The following TIGD7 variants were observed in gnomAD, a reference collection of about 807,000 sequenced individuals.
TIGD7 encodes the protein tigger transposable element-derived protein 7.
Under a neutral mutation model 24.8 loss-of-function variants are expected in TIGD7, and 26 were observed. The observed-to-expected ratio is 1.05, with a 90% CI of 0.77 to 1.45. The LOEUF is 1.45. Ranked by LOEUF, TIGD7 falls within the 40% of genes most tolerant of loss-of-function variation. TIGD7 has a pLI of 0.00. For missense variants in TIGD7, 679 were observed against 641.6 expected (o/e 1.06, Z -0.63); for synonymous variants, 221 against 224.1 (o/e 0.99, Z 0.12).
chr16:3,302,985 G>A (rs1031043814), intron 1 of TIGD7, among the ~76,000 whole-genome samples: 5 of 151,936 alleles, frequency 3.3e-5, no homozygotes, highest in Admixed American at 1.3e-4. Flanking sequence ...TTACAGGCAC[G>A]CACCACCATG....
At chr16:3,304,128 G>A (rs1315349384) in intron 1 of TIGD7, among the ~76,000 whole-genome samples, 1 of 152,168 alleles carries the variant, frequency 6.6e-6, no homozygotes, top group Non-Finnish European at 1.5e-5. Context: ...AAGCCACCGC[G>A]CCCGGCCAGG....
chr16:3,304,863 A>G (rs1021097421), intron 1 of TIGD7: 3 of 152,238 alleles, frequency 2.0e-5, no homozygotes, highest in African/African-American at 7.2e-5. Context: ...GGATACCACA[A>G]CAGGAGAGCT....
chr16:3,304,561 A>C (rs1309895165), intron 1 of TIGD7, among the ~76,000 whole-genome samples: 2 of 152,244 alleles, frequency 1.3e-5, no homozygotes, highest in Non-Finnish European at 2.9e-5. Context: ...AGCTGACTTA[A>C]TAAATAGTCC....
intron 1 of TIGD7, 156 bp downstream of exon 1, chr16:3,305,056 G>A (rs1960090274): frequency 6.6e-6 from 1 of 152,352 alleles, no homozygotes; most frequent in African/African-American, 2.4e-5. Context: ...AAAACCCTCG[G>A]GGGGCCGCTG....
Position 3,299,050 on chromosome 16 carries a change from G to A in TIGD7, c.1565C>T (p.Ser522Phe), listed in dbSNP as rs1959850492. ...AGGTTTCAAAAAGCTACCAATTCTA[G>A]AATGGATTTTACTCTGGAACTGTTT... The part of the protein sequence containing the change: ...VKKQFQSKIH[S>F]RIGSFLKPRP... Residue 522 changes from serine (S) to phenylalanine (F), a missense_variant, in exon 2 of 2, where the codon TCT (serine) becomes TTT (phenylalanine). Coordinates refer to ENST00000396862, the MANE Select transcript of TIGD7 (RefSeq NM_033208.4). 1.4e-6 allele frequency: 2 copies of A among 1,393,120 alleles called. No individual in the cohort carries two copies. Among genetic ancestry groups the A allele is most frequent in the African/African-American group, 1.5e-5 (1 of 67,246 alleles). 86.3% of individuals were successfully genotyped at this position (1,393,120 alleles called of 1,614,324 possible).
chr16:3,299,326 A>T lies in TIGD7; in HGVS notation c.1289T>A (p.Leu430Ter). 6.3e-7 allele frequency: 1 copy of T among 1,596,472 alleles called. No individual in the cohort carries two copies. Among genetic ancestry groups the T allele is most frequent in the Non-Finnish European group, 8.5e-7 (1 of 1,172,968 alleles). Residue 430 changes from leucine to a stop codon, truncating the protein, a stop_gained, in exon 2 of 2, where the codon TTG becomes TAG. Transcript: ENST00000396862. LOFTEE classifies it low-confidence loss of function (END_TRUNC). ...YREILEKCGELETKLDDDRVW... is the reference protein window; with the variant it reads ...YREILEKCGE ...CCTATCATCATCCAACTTAGTTTCC[A>T]ACTCCCCACATTTTTCAAGAATTTC... is the stretch of plus-strand genomic sequence containing the variant.
chr16:3,299,534 G>A lies in TIGD7; in HGVS notation c.1081C>T (p.Gln361Ter). 2 of 1,525,780 alleles carry A rather than the reference G, an allele frequency of 1.3e-6. No homozygotes were observed. The highest frequency in any genetic ancestry group is 1.8e-6 in the Non-Finnish European group (2 of 1,140,964). 94.5% of individuals were successfully genotyped at this position (1,525,780 alleles called of 1,614,324 possible). A position where few individuals can be genotyped will look rare whatever the true frequency, so the allele number is the denominator to read the frequency against. Residue 361 changes from glutamine (Q) to a stop codon, truncating the protein, a stop_gained, in exon 2 of 2, where the codon CAA becomes TAA. Transcript: ENST00000396862. LOFTEE classifies it low-confidence loss of function (END_TRUNC). ...GAAACTCCTTTATCTCCTTTCTCTTGCTCATCATCACTTTCTTCAAATATT... is the reference window on the plus strand; with the variant it reads ...GAAACTCCTTTATCTCCTTTCTCTTACTCATCATCACTTTCTTCAAATATT... ...LVIFEESDDE[Q>*]EKGDKGVSKI...
Position 3,301,907 on chromosome 16 carries a change from G to A in TIGD7, c.-1293C>T, listed in dbSNP as rs959025791. 3.6e-5 allele frequency: 6 copies of A among 166,966 alleles called. No individual in the cohort carries two copies. The highest frequency in any genetic ancestry group is 1.4e-4 in the African/African-American group (6 of 41,396). 10.3% of individuals were successfully genotyped at this position (166,966 alleles called of 1,614,324 possible). On this transcript the variant is annotated 5_prime_UTR_variant, in exon 2 of 2. Coordinates refer to ENST00000396862, the MANE Select transcript of TIGD7 (RefSeq NM_033208.4). ...CTGGTGCTCCCCAAAGCCATTCCAG[G>A]TCCTTAGAAATGTCTTAGTCTAGAT...
chr16:3,300,022 A>G lies in TIGD7; in HGVS notation c.593T>C (p.Ile198Thr), dbSNP rs1428242163. 3.7e-6 allele frequency: 6 copies of G among 1,614,066 alleles called. No individual in the cohort carries two copies. The East Asian group carries it at 8.9e-5, about 24-fold the overall frequency. ...GTTTATTTTCTTCCCTGGTAGGCAG[A>G]TATCTTTCCTACTTGCCTGAGAATT... Reference protein sequence around the residue: ...PENSQASRKDICLPGKKINKE... With the variant: ...PENSQASRKDTCLPGKKINKE... The change falls in exon 2 of 2, where the codon ATC becomes ACC. Residue 198 changes from isoleucine (I) to threonine (T), a missense_variant. By Grantham distance (89) the Ile-to-Thr change is moderately conservative. Transcript: ENST00000396862.
At chr16:3,303,467 G>A (rs1243668147) in intron 1 of TIGD7, among the ~76,000 whole-genome samples, 2 of 152,192 alleles carry the variant, frequency 1.3e-5, no homozygotes, top group Non-Finnish European at 2.9e-5. Flanking sequence ...CAGGTGATGA[G>A]AATCTTAATG....
rs924874814 is a variant in TIGD7, at chr16:3,301,715, A to C, written c.-1101T>G. ...CATACTTTTTATATTTGAGATTTTG[A>C]TTTCTCTTCAGTGTTTATTTTACTT... On this transcript the variant is annotated 5_prime_UTR_variant, in exon 2 of 2. Coordinates refer to ENST00000396862, the MANE Select transcript of TIGD7 (RefSeq NM_033208.4). The C allele has an allele frequency of 6.0e-6, 1 of 166,202 alleles. No individual in the cohort carries two copies. Among genetic ancestry groups the C allele is most frequent in the African/African-American group, 2.4e-5 (1 of 40,932 alleles). The allele number at this position is 166,202 out of a possible 1,614,324, so 10.3% of individuals were successfully genotyped here.
In TIGD7 at chr16:3,299,652, A is replaced by T; in HGVS notation, c.963T>A (p.His321Gln). The T allele has an allele frequency of 6.4e-7, 1 of 1,560,342 alleles. No homozygotes were observed. Residue 321 changes from histidine (H) to glutamine (Q), a missense_variant, in exon 2 of 2, where the codon CAT becomes CAA. Physicochemically the swap from His to Gln is conservative, Grantham distance 24. Transcript: ENST00000396862. ...TTGGTTGAATCAAGGTTGAAGTGTT[A>T]TGGGGGAAGAACATACATTTTATTC... ...DGRIKCMFFP[H>Q]NTSTLIQPMN...
rs1959851035 is a variant in TIGD7, at chr16:3,299,067, G to T, written c.1548C>A (p.Phe516Leu). Residue 516 changes from phenylalanine (F) to leucine (L), a missense_variant, in exon 2 of 2, where the codon TTC becomes TTA. Coordinates refer to ENST00000396862, the MANE Select transcript of TIGD7 (RefSeq NM_033208.4). ...EMQQEIVKKQ[F>L]QSKIHSRIGS... ...CAATTCTAGAATGGATTTTACTCTG[G>T]AACTGTTTCTTGACTATTTCTTGTT... 7.1e-7 allele frequency: 1 copy of T among 1,409,668 alleles called. No individual in the cohort carries two copies. The highest frequency in any genetic ancestry group is 2.6e-5 in the East Asian group (1 of 37,990). The allele number at this position is 1,409,668 out of a possible 1,614,324, so 87.3% of individuals were successfully genotyped here. A position where few individuals can be genotyped will look rare whatever the true frequency, so the allele number is the denominator to read the frequency against.
intron 1 of TIGD7, among the ~76,000 whole-genome samples, chr16:3,302,833 C>CTTTT (rs58436553): frequency 6.6e-5 from 8 of 121,442 alleles, no homozygotes; most frequent in East Asian, 2.4e-4. Context: ...GTGCCGTCGT[C>CTTTT]TTTTTTTTTT....
At chr16:3,302,729 C>G (rs2150780965) in intron 1 of TIGD7, among the ~76,000 whole-genome samples, 3 of 152,136 alleles carry the variant, frequency 2.0e-5, no homozygotes, top group Middle Eastern at 3.4e-3. Context: ...GCACCATTAA[C>G]TCAAGCTAGT....
rs1959877548 is a variant in TIGD7, at chr16:3,299,714, G to A, written c.901C>T (p.His301Tyr). The A allele has an allele frequency of 1.3e-6, 2 of 1,536,284 alleles. No homozygotes were observed. Among genetic ancestry groups the A allele is most frequent in the African/African-American group, 1.4e-5 (1 of 72,194 alleles). Reference protein sequence around the residue: ...ALLLLDSCPAHPSSESLTSED... With the variant: ...ALLLLDSCPAYPSSESLTSED... ...CTGGTTAGGGATTCAGAGGAAGGAT[G>A]AGCCGGGCAACTGTCCAGAAGTAAC... Residue 301 changes from histidine to tyrosine, a missense_variant, in exon 2 of 2, where the codon CAT becomes TAT. Coordinates refer to ENST00000396862, the MANE Select transcript of TIGD7 (RefSeq NM_033208.4).
intron 1 of TIGD7, among the ~76,000 whole-genome samples, chr16:3,304,406 G>A (rs1470972668): frequency 6.6e-6 from 1 of 152,030 alleles, no homozygotes; most frequent in East Asian, 1.9e-4. Context: ...AAATCAACTT[G>A]GATTTTCTTG....
At position 3,300,752 on chromosome 16, in the gene TIGD7, A is replaced by T; in HGVS notation, c.-138T>A. ...GGCATGGGCATTGTATTGGAGGATA[A>T]TGGACTGAAGGGGCTAACCATGACT... is the stretch of plus-strand genomic sequence containing the variant. On this transcript the variant is annotated 5_prime_UTR_variant, in exon 2 of 2. Coordinates refer to ENST00000396862, the MANE Select transcript of TIGD7 (RefSeq NM_033208.4). The T allele has an allele frequency of 7.1e-7, 1 of 1,405,024 alleles. No homozygotes were observed. Among genetic ancestry groups the T allele is most frequent in the South Asian group, 1.6e-5 (1 of 64,166 alleles). The allele number at this position is 1,405,024 out of a possible 1,614,324, so 87.0% of individuals were successfully genotyped here.
chr16:3,300,193 C>G lies in TIGD7; in HGVS notation c.422G>C (p.Cys141Ser). 6.2e-7 allele frequency: 1 copy of G among 1,614,232 alleles called. No individual in the cohort carries two copies. The highest frequency in any genetic ancestry group is 8.5e-7 in the Non-Finnish European group (1 of 1,180,044). The change falls in exon 2 of 2, where the codon TGT becomes TCT. Residue 141 changes from cysteine to serine, a missense_variant. By Grantham distance (112) the Cys-to-Ser change is moderately radical. Transcript: ENST00000396862. Reference protein sequence around the residue: ...NRHAIGNRKGCGEQVLSSVSE... With the variant: ...NRHAIGNRKGSGEQVLSSVSE... ...AACTGAACTTAGGACTTGTTCCCCA[C>G]ATCCTTTTCGGTTCCCAATTGCATG...
Sources: gnomAD v4.1 joint callset for allele counts (sites outside exome capture counted in the v4.1 genomes callset) on GRCh38, gnomAD v4.1.1 for gene constraint, MANE v1.5 for transcripts, NCBI Gene and HGNC (gene_info 2026-07-23, HGNC 2026-07-21) for gene names.